RIPK2: variants seen among roughly 807,000 people sequenced by gnomAD.
RIPK2 encodes the protein receptor-interacting serine/threonine-protein kinase 2.
In RIPK2, 38 loss-of-function variants were observed where a neutral mutation model predicts 60.9. That is an observed-to-expected ratio of 0.62 (90% confidence interval 0.48 to 0.82). RIPK2 has a LOEUF of 0.82. Ranked by LOEUF, RIPK2 falls within the 40% of genes least tolerant of loss-of-function variation. The probability of loss-of-function intolerance (pLI) is 0.00; values close to 1 mark genes in which losing one functional copy is unlikely to be tolerated. For missense variants in RIPK2, 518 were observed against 647.0 expected (o/e 0.80, Z 2.16); for synonymous variants, 225 against 223.4 (o/e 1.01, Z -0.06).
Position 89,790,526 on chromosome 8 carries a change from T to C in RIPK2, c.*110T>C. On this transcript the variant is annotated 3_prime_UTR_variant, in exon 11 of 11. Transcript: ENST00000220751. ...AGTATTAAAGCTTTATTGAAGGTTC[T>C]TTGGGTAAATATTAGTCTCCCTCCA... The C allele has an allele frequency of 1.3e-6, 1 of 753,480 alleles. No individual in the cohort carries two copies. Among genetic ancestry groups the C allele is most frequent in the Non-Finnish European group, 2.1e-6 (1 of 481,758 alleles). The allele number at this position is 753,480 out of a possible 1,614,324, so 46.7% of individuals were successfully genotyped here.
At chr8:89,763,672 T>C (rs1009521825) in intron 2 of RIPK2, among the ~76,000 whole-genome samples, 1 of 152,144 alleles carries the variant, frequency 6.6e-6, no homozygotes, top group African/African-American at 2.4e-5. Flanking sequence ...ATCCAATCAA[T>C]AGATACTCAT....
intron 8 of RIPK2, 77 bp downstream of exon 8, chr8:89,784,216 A>G: frequency 1.1e-6 from 1 of 909,178 alleles, no homozygotes; most frequent in Non-Finnish European, 1.6e-6. Flanking sequence ...CATTTGGTCT[A>G]AGCCCTTCTT....
intron 1 of RIPK2, among the ~76,000 whole-genome samples, chr8:89,761,955 A>G (rs1161177284): frequency 6.6e-6 from 1 of 151,576 alleles, no homozygotes; most frequent in African/African-American, 2.4e-5. Flanking sequence ...TTTGATACCT[A>G]CCTATTGGAC....
chr8:89,776,229 T>C (rs1055426330), intron 6 of RIPK2, among the ~76,000 whole-genome samples: 2 of 152,202 alleles, frequency 1.3e-5, no homozygotes, highest in African/African-American at 4.8e-5. Flanking sequence ...GAAGAATTCC[T>C]CCTATACTTC....
At chr8:89,766,042 CT>C (rs1809224783) in intron 3 of RIPK2, among the ~76,000 whole-genome samples, 1 of 151,816 alleles carries the variant, frequency 6.6e-6, no homozygotes, top group Non-Finnish European at 1.5e-5. Flanking sequence ...CACTAATCTG[CT>C]TTCCATCTCT....
chr8:89,763,573 T>C (rs1809179531), intron 2 of RIPK2, among the ~76,000 whole-genome samples: 1 of 152,172 alleles, frequency 6.6e-6, no homozygotes, highest in African/African-American at 2.4e-5. Flanking sequence ...ATTAATATTA[T>C]CATGAGTCTG....
chr8:89,771,736 A>T lies in RIPK2; in HGVS notation c.642-5A>T. 6.3e-7 allele frequency: 1 copy of T among 1,592,262 alleles called. No individual in the cohort carries two copies. The highest frequency in any genetic ancestry group is 8.6e-7 in the Non-Finnish European group (1 of 1,164,852). ...ATGTAACATGTATGTTCTTATGTTA[A>T]ACAGCTATGCAGTTATCACATGGGA... On this transcript the variant is annotated splice_region_variant and splice_polypyrimidine_tract_variant and intron_variant, in intron 4 of 10. Coordinates refer to ENST00000220751, the MANE Select transcript of RIPK2 (RefSeq NM_003821.6).
chr8:89,783,704 A>C (rs1459541845), intron 7 of RIPK2, among the ~76,000 whole-genome samples: 2 of 152,332 alleles, frequency 1.3e-5, no homozygotes, highest in East Asian at 1.9e-4. Context: ...AAAAATTCCC[A>C]AAAATTTATT....
In RIPK2 at chr8:89,786,645, C is replaced by G; in HGVS notation, c.1082C>G (p.Ser361Ter). The G allele has an allele frequency of 6.2e-7, 1 of 1,600,646 alleles. No individual in the cohort carries two copies. The highest frequency in any genetic ancestry group is 1.4e-5 in the African/African-American group (1 of 73,382). ...LHENSGSPET[S>*]RSLPAPQDND... ...GAAAATAGTGGTTCTCCTGAAACTTCAAGGTCCCTGCCAGCTCCTCAAGAC... is the reference window on the plus strand; with the variant it reads ...GAAAATAGTGGTTCTCCTGAAACTTGAAGGTCCCTGCCAGCTCCTCAAGAC... The change falls in exon 9 of 11, where the codon TCA (serine) becomes TGA (stop). Residue 361 changes from serine to a stop codon, truncating the protein, a stop_gained. Coordinates refer to ENST00000220751, the MANE Select transcript of RIPK2 (RefSeq NM_003821.6). LOFTEE classifies it high-confidence loss of function.
chr8:89,789,527 T>C (rs771844984), intron 10 of RIPK2, 45 bp downstream of exon 10: 3 of 1,559,356 alleles, frequency 1.9e-6, no homozygotes, highest in Non-Finnish European at 2.6e-6. Context: ...GCCATTGACC[T>C]TACATATCTG....
At chr8:89,787,651 C>A (rs768434262) in intron 9 of RIPK2, among the ~76,000 whole-genome samples, 1 of 152,216 alleles carries the variant, frequency 6.6e-6, no homozygotes, top group Non-Finnish European at 1.5e-5. Context: ...AGATTGGAGT[C>A]ATATCATCAA....
At chr8:89,782,914 A>G (rs1178934805) in intron 7 of RIPK2, among the ~76,000 whole-genome samples, 1 of 152,238 alleles carries the variant, frequency 6.6e-6, no homozygotes, top group African/African-American at 2.4e-5. Context: ...ATATTGCATT[A>G]TCAGAAATGT....
chr8:89,790,096 A>G lies in RIPK2; in HGVS notation c.1303A>G (p.Ile435Val), dbSNP rs569494357. Reference sequence around the variant, plus strand: ...TTTTTCAGAACGTCTGCAGCCTGGTATAGCCCAGCAGTGGATCCAGAGCAA... The same window carrying G: ...TTTTTCAGAACGTCTGCAGCCTGGTGTAGCCCAGCAGTGGATCCAGAGCAA... ...AGNSERLQPG[I>V]AQQWIQSKRE... is the part of the protein sequence containing the mutation. Residue 435 changes from isoleucine (I) to valine (V), a missense_variant, in exon 11 of 11, where the codon ATA becomes GTA. Transcript: ENST00000220751. 12 of 1,613,130 alleles carry G rather than the reference A, an allele frequency of 7.4e-6. No homozygotes were observed. The South Asian group carries it at 1.1e-4, about 15-fold the overall frequency.
rs202204060 is a variant in RIPK2, at chr8:89,758,110, A to G, written c.50A>G (p.Lys17Arg). 17 of 1,607,246 alleles carry G rather than the reference A, an allele frequency of 1.1e-5. No homozygotes were observed. Among genetic ancestry groups the G allele is most frequent in the African/African-American group, 2.7e-5 (2 of 74,740 alleles). Reference protein sequence around the residue: ...CSALPTIPYHKLADLRYLSRG... With the variant: ...CSALPTIPYHRLADLRYLSRG... ...GCCCTGCCCACCATTCCCTACCACAAACTCGCCGACCTGCGCTACCTGAGC... is the reference window on the plus strand; with the variant it reads ...GCCCTGCCCACCATTCCCTACCACAGACTCGCCGACCTGCGCTACCTGAGC... Residue 17 changes from lysine (K) to arginine (R), a missense_variant, in exon 1 of 11, where the codon AAA becomes AGA. By Grantham distance (26) the Lys-to-Arg change is conservative (BLOSUM62 2). Coordinates refer to ENST00000220751, the MANE Select transcript of RIPK2 (RefSeq NM_003821.6).
chr8:89,789,426 A>T lies in RIPK2; in HGVS notation c.1229A>T (p.Lys410Met). The T allele has an allele frequency of 6.2e-7, 1 of 1,614,120 alleles. No individual in the cohort carries two copies. Among genetic ancestry groups the T allele is most frequent in the Non-Finnish European group, 8.5e-7 (1 of 1,179,980 alleles). Residue 410 changes from lysine (K) to methionine (M), a missense_variant, in exon 10 of 11, where the codon AAG (lysine) becomes ATG (methionine). Around this residue, in one of 3 missense-constraint regions of RIPK2, gnomAD observed 448 missense variants for 534.7 expected, o/e 0.84. Coordinates refer to ENST00000220751, the MANE Select transcript of RIPK2 (RefSeq NM_003821.6). ...CAAAGGGCTGCATTCTGTGATCACA[A>T]GACCACTCCATGCTCTTCAGCAATA... ...GSQRAAFCDH[K>M]TTPCSSAIIN...
intron 1 of RIPK2, among the ~76,000 whole-genome samples, chr8:89,761,131 C>G (rs115527697): frequency 6.6e-6 from 1 of 152,078 alleles, no homozygotes; most frequent in Non-Finnish European, 1.5e-5. Flanking sequence ...AAATAAATGA[C>G]GAAGATTCTT....
rs769723718 is a variant in RIPK2 at position 89,765,380 on chromosome 8, C to T, written c.367C>T (p.Arg123Cys). Reference sequence around the variant, plus strand: ...TGATGTTGCTTGGCCATTGAGATTTCGCATCCTGCATGAAATTGCCCTTGG... The same window carrying T: ...TGATGTTGCTTGGCCATTGAGATTTTGCATCCTGCATGAAATTGCCCTTGG... ...YPDVAWPLRF[R>C]ILHEIALGVN... Residue 123 changes from arginine to cysteine, a missense_variant, in exon 3 of 11, where the codon CGC becomes TGC. This residue lies in a region of RIPK2 where 448 missense variants were observed against 534.7 expected (regional missense o/e 0.84). Coordinates refer to ENST00000220751, the MANE Select transcript of RIPK2 (RefSeq NM_003821.6). 1.2e-6 allele frequency: 2 copies of T among 1,609,864 alleles called. No individual in the cohort carries two copies. The highest frequency in any genetic ancestry group is 1.7e-5 in the Admixed American group (1 of 59,864).
At chr8:89,760,307 G>A (rs545608821) in intron 1 of RIPK2, among the ~76,000 whole-genome samples, 1 of 152,102 alleles carries the variant, frequency 6.6e-6, no homozygotes, top group Admixed American at 6.5e-5. Flanking sequence ...ACTTCTATCC[G>A]ATGAGTGGAC....
At chr8:89,781,692 T>G (rs1328891501) in intron 7 of RIPK2, among the ~76,000 whole-genome samples, 1 of 152,156 alleles carries the variant, frequency 6.6e-6, no homozygotes, top group Non-Finnish European at 1.5e-5. Flanking sequence ...GGGAGATACA[T>G]TCCAAGACCC....
Sources: gnomAD v4.1 joint callset for allele counts (sites outside exome capture counted in the v4.1 genomes callset) on GRCh38, gnomAD v4.1.1 for gene constraint, gnomAD v4.1.1 regional missense constraint, MANE v1.5 for transcripts, NCBI Gene and HGNC (gene_info 2026-07-23, HGNC 2026-07-21) for gene names.